PTPRD: variants seen among roughly 807,000 people sequenced by gnomAD.
PTPRD encodes the protein receptor-type tyrosine-protein phosphatase delta.
A neutral mutation model predicts 214.5 loss-of-function variants in PTPRD; 34 were observed. That is an observed-to-expected ratio of 0.16 (90% CI 0.12 to 0.21). PTPRD has a LOEUF of 0.21. Ranked by LOEUF, PTPRD falls within the 10% of genes least tolerant of loss-of-function variation. The probability of loss-of-function intolerance (pLI) is 1.00; values close to 1 mark genes in which losing one functional copy is unlikely to be tolerated. For synonymous variants in PTPRD, 1,128 were observed against 845.7 expected (o/e 1.33, Z -5.79); for missense variants, 2,545 against 2,398.7 (o/e 1.06, Z -1.27).
chr9:9,221,887 G>C (rs1345878877), intron 9 of PTPRD, among the ~76,000 whole-genome samples: 3 of 151,994 alleles, frequency 2.0e-5, no homozygotes, highest in Non-Finnish European at 4.4e-5. Context: ...CATCACTTCA[G>C]AGCTTATTAG....
intron 2 of PTPRD, among the ~76,000 whole-genome samples, chr9:10,452,731 C>T (rs2130897026): frequency 6.6e-6 from 1 of 151,860 alleles, no homozygotes; most frequent in African/African-American, 2.4e-5. Flanking sequence ...GATTTTGCCT[C>T]ATGTCAGATA....
chr9:9,103,038 G>A (rs531967552), intron 10 of PTPRD, among the ~76,000 whole-genome samples: 1 of 152,276 alleles, frequency 6.6e-6, no homozygotes, highest in Admixed American at 6.5e-5. Flanking sequence ...GTGGAAGCAT[G>A]TAGTAATCAA....
intron 7 of PTPRD, among the ~76,000 whole-genome samples, chr9:9,722,059 C>A (rs938947835): frequency 2.6e-5 from 4 of 151,608 alleles, no homozygotes; most frequent in African/African-American, 9.7e-5. Flanking sequence ...TTTTTTTTCT[C>A]CCTTTTTAAG....
chr9:8,337,671 AAGG>A (rs1354186501), intron 43 of PTPRD, among the ~76,000 whole-genome samples: 1 of 152,028 alleles, frequency 6.6e-6, no homozygotes, highest in Non-Finnish European at 1.5e-5. Flanking sequence ...TAAAAAAAAA[AAGG>A]TGAGCAACTT....
chr9:10,461,422 G>A (rs1281665031), intron 2 of PTPRD, among the ~76,000 whole-genome samples: 6 of 151,470 alleles, frequency 4.0e-5, no homozygotes, highest in East Asian at 3.9e-4. Flanking sequence ...CACAATAGTC[G>A]AGCTATGAAA....
intron 6 of PTPRD, among the ~76,000 whole-genome samples, chr9:9,748,591 C>T (rs953733256): frequency 6.6e-6 from 1 of 152,164 alleles, no homozygotes; most frequent in Non-Finnish European, 1.5e-5. Context: ...AGGAGTACTG[C>T]TGAGGTACTG....
intron 9 of PTPRD, among the ~76,000 whole-genome samples, chr9:9,298,878 C>T (rs1422306529): frequency 6.6e-6 from 1 of 151,708 alleles, no homozygotes; most frequent in African/African-American, 2.4e-5. Flanking sequence ...AGTTATTAAT[C>T]CTGTCAGCAA....
chr9:8,605,248 TGACAATTTAATA>T, intron 14 of PTPRD, among the ~76,000 whole-genome samples: 1 of 152,242 alleles, frequency 6.6e-6, no homozygotes, highest in South Asian at 2.1e-4. Flanking sequence ...ATATTAAACC[TGACAATTTAATA>T]TTTATGTAAG....
intron 11 of PTPRD, among the ~76,000 whole-genome samples, chr9:8,783,940 C>G (rs1390814629): frequency 6.6e-6 from 1 of 152,208 alleles, no homozygotes; most frequent in African/African-American, 2.4e-5. Flanking sequence ...TTTTATTTTA[C>G]TCACAAGTCC....
chr9:10,506,193 C>G lies in PTPRD; in HGVS notation c.-600+106205G>C, dbSNP rs186566657. 5.5e-3 allele frequency among the ~76,000 whole-genome samples: 828 copies of G among 151,508 alleles called. 15 individuals are homozygous for G. The highest frequency in any genetic ancestry group is 6.7e-3 in the Non-Finnish European group (455 of 67,974). On this transcript the variant is annotated intron_variant, in intron 2 of 45. Transcript: ENST00000381196. ...GGGGAAATGGATACTTTTAAAGCTT[C>G]AAGACTTTTTTTATCACTTTTAAAA...
chr9:9,035,435 A>T (rs991552991), intron 10 of PTPRD, among the ~76,000 whole-genome samples: 4 of 152,002 alleles, frequency 2.6e-5, no homozygotes, highest in Admixed American at 2.6e-4. Context: ...TGAAATGTAA[A>T]TATCAAAGGG....
At chr9:10,362,335 AAT>A (rs1491269929) in intron 2 of PTPRD, among the ~76,000 whole-genome samples, 9 of 94,660 alleles carry the variant, frequency 9.5e-5, no homozygotes, top group Non-Finnish European at 1.6e-4. Context: ...CTGACAGAGA[AAT>A]TTTTTTTTTT....
At chr9:8,603,917 C>G (rs541286143) in intron 14 of PTPRD, among the ~76,000 whole-genome samples, 2 of 152,206 alleles carry the variant, frequency 1.3e-5, no homozygotes, top group Admixed American at 6.5e-5. Flanking sequence ...TATTAAAAAG[C>G]ATTAGACACT....
At chr9:10,371,438 G>C (rs2097615747) in intron 2 of PTPRD, among the ~76,000 whole-genome samples, 1 of 151,860 alleles carries the variant, frequency 6.6e-6, no homozygotes, top group African/African-American at 2.4e-5. Flanking sequence ...AATTAATATT[G>C]TCACAAACCT....
At chr9:8,511,897 T>C (rs575773480) in intron 21 of PTPRD, among the ~76,000 whole-genome samples, 1 of 152,146 alleles carries the variant, frequency 6.6e-6, no homozygotes, top group African/African-American at 2.4e-5. Context: ...TATATAAATA[T>C]GTGAAAGCAA....
At chr9:9,030,696 C>T (rs2099602462) in intron 10 of PTPRD, among the ~76,000 whole-genome samples, 2 of 151,730 alleles carry the variant, frequency 1.3e-5, no homozygotes, top group Admixed American at 6.6e-5. Flanking sequence ...AGTTTTTATC[C>T]ATTGTTTTTC....
chr9:10,440,237 C>G (rs182149094), intron 2 of PTPRD, among the ~76,000 whole-genome samples: 1 of 151,606 alleles, frequency 6.6e-6, no homozygotes, highest in African/African-American at 2.4e-5. Flanking sequence ...ATCAGGTATT[C>G]CTTTAAATAC....
intron 10 of PTPRD, among the ~76,000 whole-genome samples, chr9:9,098,885 T>A (rs2099787412): frequency 1.3e-5 from 2 of 152,192 alleles, no homozygotes. Flanking sequence ...TTGTCTATAT[T>A]TGTAAAATTC....
rs376473842 is a variant in PTPRD, at chr9:9,795,061, AG to A, written c.-367-28211del. On this transcript the variant is annotated intron_variant, in intron 5 of 45. Coordinates refer to ENST00000381196, the MANE Select transcript of PTPRD (RefSeq NM_002839.4). ...CACAGGCCACTCCCAAGCCCCTGGG[AG>A]GAGCCCTTGCGTGGGCTTCACATGA... Among the ~76,000 whole-genome samples, 42 of 152,336 alleles carry A rather than the reference AG, an allele frequency of 2.8e-4. No individual in the cohort carries two copies. In the East Asian group the frequency reaches 5.2e-3, roughly 19 times the overall value.
Sources: allele counts gnomAD v4.1 joint callset (sites outside exome capture counted in the v4.1 genomes callset), GRCh38; gene constraint gnomAD v4.1.1; transcripts MANE v1.5; gene names NCBI Gene and HGNC (gene_info 2026-07-23, HGNC 2026-07-21).